Variants in KCNH7 observed in about 807,000 individuals in gnomAD.
KCNH7 encodes potassium voltage-gated channel subfamily H member 7, also known as voltage-gated inwardly rectifying potassium channel KCNH7.
KCNH7 carries 49 observed loss-of-function variants against 120.8 expected under a neutral mutation model. The observed-to-expected ratio is 0.41, with a 90% CI of 0.32 to 0.51. The LOEUF (loss-of-function observed/expected upper bound fraction) is 0.51, where lower values mean the gene tolerates loss of function less well. KCNH7 is among the 20% of genes least tolerant of loss of function. The probability of loss-of-function intolerance (pLI) is 0.38; values close to 1 mark genes in which losing one functional copy is unlikely to be tolerated. For missense variants in KCNH7, 1,097 were observed against 1,446.6 expected, an observed-to-expected ratio of 0.76 and a Z score of 3.92; for synonymous variants, 547 against 516.1, an observed-to-expected ratio of 1.06 and a Z score of -0.81.
chr2:162,802,305 T>C (rs1242096103), intron 2 of KCNH7, among the ~76,000 whole-genome samples: 1 of 151,690 alleles, frequency 6.6e-6, no homozygotes, highest in Non-Finnish European at 1.5e-5. Context: ...TTAATCAAAG[T>C]GGTTAGTAGT....
intron 1 of KCNH7, 143 bp from the exon 2 acceptor site, chr2:162,836,910 G>A (rs1685685872): frequency 1.8e-6 from 1 of 558,414 alleles, no homozygotes; most frequent in Admixed American, 3.2e-5. Flanking sequence ...TATGAAAAAA[G>A]AAAACACAAG....
chr2:162,777,179 T>G (rs946718004), intron 2 of KCNH7, among the ~76,000 whole-genome samples: 4 of 152,164 alleles, frequency 2.6e-5, no homozygotes, highest in Non-Finnish European at 5.9e-5. Context: ...TCGGTATCCA[T>G]GGAAGATTGG....
At chr2:162,717,136 T>C (rs1205393096) in intron 2 of KCNH7, among the ~76,000 whole-genome samples, 2 of 152,140 alleles carry the variant, frequency 1.3e-5, no homozygotes, top group African/African-American at 4.8e-5. Flanking sequence ...TTATAAGGTT[T>C]CCCATTTTAA....
Position 162,800,292 on chromosome 2 carries a change from C to T in KCNH7, c.307+36245G>A, listed in dbSNP as rs111981905. On this transcript the variant is annotated intron_variant, in intron 2 of 15. Transcript: ENST00000332142. ...TTAAGTGTAAATATTTAAATAGAGA[C>T]GGGAAATATTTATGTTAAAAAAGAA... Among the ~76,000 whole-genome samples the T allele has an allele frequency of 4.6e-3, 697 of 151,698 alleles. 2 individuals are homozygous for T. The highest frequency in any genetic ancestry group is 8.4e-3 in the Non-Finnish European group (569 of 67,780).
intron 2 of KCNH7, among the ~76,000 whole-genome samples, chr2:162,618,268 T>C (rs1450530490): frequency 6.6e-6 from 1 of 151,912 alleles, no homozygotes; most frequent in East Asian, 1.9e-4. Flanking sequence ...CCTCTTTATT[T>C]TGTAAATGAG....
chr2:162,393,407 A>G (rs1686801913), intron 12 of KCNH7, among the ~76,000 whole-genome samples: 1 of 151,996 alleles, frequency 6.6e-6, no homozygotes, highest in Non-Finnish European at 1.5e-5. Flanking sequence ...AAATGGGATC[A>G]CCCAGAGAAA....
At chr2:162,377,547 G>A (rs1384928369) in intron 14 of KCNH7, among the ~76,000 whole-genome samples, 2 of 152,276 alleles carry the variant, frequency 1.3e-5, no homozygotes, top group East Asian at 1.9e-4. Context: ...CAAGGGTGAC[G>A]CTGGTTCGAG....
At position 162,469,174 on chromosome 2, in the gene KCNH7, A is replaced by AC. The variant is rs1157906348; in HGVS notation, c.1129-22732_1129-22731insG. ...TTTGTTATAGTACATTTGAAAAGTTAAGGTGGTATGTAATAGCTAAATACT... is the reference window on the plus strand; with the variant it reads ...TTTGTTATAGTACATTTGAAAAGTTACAGGTGGTATGTAATAGCTAAATACT... On this transcript the variant is annotated intron_variant, in intron 6 of 15. Transcript: ENST00000332142. Among the ~76,000 whole-genome samples, 1,239 of 152,330 alleles carry AC rather than the reference A, an allele frequency of 8.1e-3. 18 individuals are homozygous for AC. Among genetic ancestry groups the AC allele is most frequent in the African/African-American group, 0.028 (1,181 of 41,566 alleles).
chr2:162,519,424 A>G (rs758159360), intron 3 of KCNH7, among the ~76,000 whole-genome samples: 1 of 151,858 alleles, frequency 6.6e-6, no homozygotes, highest in Non-Finnish European at 1.5e-5. Flanking sequence ...ACAAAAGCTT[A>G]TATTTGTTCA....
chr2:162,446,269 C>T lies in KCNH7; in HGVS notation c.1303G>A (p.Asp435Asn). 6.2e-7 allele frequency: 1 copy of T among 1,613,898 alleles called. No individual in the cohort carries two copies. The highest frequency in any genetic ancestry group is 8.5e-7 in the Non-Finnish European group (1 of 1,179,876). Reference sequence around the variant, plus strand: ...TCTCGTCTTTTCTGTTCTTCTCTGTCATTGAGGAGGAAGGCTGCAGAGTAG... The same window carrying T: ...TCTCGTCTTTTCTGTTCTTCTCTGTTATTGAGGAGGAAGGCTGCAGAGTAG... ...TPYSAAFLLN[D>N]REEQKRRECG... The change falls in exon 7 of 16, where the codon GAC becomes AAC. Residue 435 changes from aspartate (D) to asparagine (N), a missense_variant. Around this residue, in one of 8 missense-constraint regions of KCNH7, gnomAD observed 109 missense variants for 196.8 expected, o/e 0.55. Transcript: ENST00000332142.
At chr2:162,795,511 T>G (rs908820664) in intron 2 of KCNH7, 1 of 152,096 alleles carries the variant, frequency 6.6e-6, no homozygotes, top group African/African-American at 2.4e-5. Flanking sequence ...GAGCCCCATC[T>G]TCAGGATCCG....
At chr2:162,594,966 C>G (rs1224719520) in intron 2 of KCNH7, among the ~76,000 whole-genome samples, 1 of 151,962 alleles carries the variant, frequency 6.6e-6, no homozygotes, top group African/African-American at 2.4e-5. Context: ...GGATTTATCC[C>G]AGGGATGCAA....
At chr2:162,736,281 T>G (rs1161840825) in intron 2 of KCNH7, among the ~76,000 whole-genome samples, 1 of 152,286 alleles carries the variant, frequency 6.6e-6, no homozygotes, top group African/African-American at 2.4e-5. Flanking sequence ...AAATTAAATG[T>G]GATTATAGAA....
intron 8 of KCNH7, among the ~76,000 whole-genome samples, chr2:162,429,876 G>T (rs1688008708): frequency 6.6e-6 from 1 of 150,568 alleles, no homozygotes; most frequent in East Asian, 2.0e-4. Flanking sequence ...TAAAAAAACA[G>T]ATTTTTTTTT....
At chr2:162,395,439 C>A (rs1686882801) in intron 11 of KCNH7, among the ~76,000 whole-genome samples, 1 of 151,638 alleles carries the variant, frequency 6.6e-6, no homozygotes, top group South Asian at 2.1e-4. Flanking sequence ...TATTTTGCTC[C>A]CAGATCCTCC....
chr2:162,685,053 T>C (rs530492383), intron 2 of KCNH7, among the ~76,000 whole-genome samples: 45 of 152,204 alleles, frequency 3.0e-4, no homozygotes, highest in Non-Finnish European at 4.9e-4. Context: ...TGCGGGGACA[T>C]GGATAAAGGT....
At chr2:162,496,532 A>G (rs1490612756) in intron 6 of KCNH7, among the ~76,000 whole-genome samples, 1 of 152,120 alleles carries the variant, frequency 6.6e-6, no homozygotes, top group African/African-American at 2.4e-5. Context: ...CCGCTTTCAG[A>G]GCCCCTCTCT....
chr2:162,605,588 G>A (rs187390632), intron 2 of KCNH7, among the ~76,000 whole-genome samples: 1 of 152,166 alleles, frequency 6.6e-6, no homozygotes, highest in Non-Finnish European at 1.5e-5. Flanking sequence ...CAAATTGCTA[G>A]GAAAAAGTAA....
chr2:162,819,099 A>G (rs1379259290), intron 2 of KCNH7, among the ~76,000 whole-genome samples: 1 of 152,218 alleles, frequency 6.6e-6, no homozygotes, highest in African/African-American at 2.4e-5. Context: ...AGGAGACTAA[A>G]GAGACATGCC....
Sources: allele counts gnomAD v4.1 joint callset (sites outside exome capture counted in the v4.1 genomes callset), GRCh38; gene constraint gnomAD v4.1.1; regional missense constraint gnomAD v4.1.1; transcripts MANE v1.5; gene names NCBI Gene and HGNC (gene_info 2026-07-23, HGNC 2026-07-21).